The following NR5A2 variants were observed in gnomAD, a reference collection of about 807,000 sequenced individuals.
NR5A2 encodes nuclear receptor subfamily 5 group A member 2.
A neutral mutation model predicts 62.7 loss-of-function variants in NR5A2; 26 were observed. That is an observed-to-expected ratio of 0.41 (90% CI 0.30 to 0.58). The LOEUF (loss-of-function observed/expected upper bound fraction) is 0.58, where lower values mean the gene tolerates loss of function less well. Ranked by LOEUF, NR5A2 falls within the 20% of genes least tolerant of loss-of-function variation. NR5A2 has a pLI of 0.22. For synonymous variants in NR5A2, 246 were observed against 241.7 expected (o/e 1.02, Z -0.16); for missense variants, 541 against 669.1 (o/e 0.81, Z 2.11).
intron 5 of NR5A2, among the ~76,000 whole-genome samples, chr1:200,079,774 C>A (rs1664205457): frequency 6.6e-6 from 1 of 151,938 alleles, no homozygotes; most frequent in Non-Finnish European, 1.5e-5. Flanking sequence ...TTTTTTGCTG[C>A]TATTTTAGTA....
At chr1:200,061,381 C>A (rs756527606) in intron 5 of NR5A2, among the ~76,000 whole-genome samples, 1 of 148,534 alleles carries the variant, frequency 6.7e-6, no homozygotes, top group African/African-American at 2.5e-5. Context: ...AGGGTTCAAG[C>A]GATTCTCCTG....
chr1:200,119,770 G>A lies in NR5A2; in HGVS notation c.1231-1038G>A, dbSNP rs186231241. Among the ~76,000 whole-genome samples, 266 of 152,262 alleles carry A rather than the reference G, an allele frequency of 1.7e-3. 1 individual carries two copies. Among genetic ancestry groups the A allele is most frequent in the African/African-American group, 6.0e-3 (250 of 41,556 alleles). On this transcript the variant is annotated intron_variant, in intron 6 of 7. Transcript: ENST00000367362. ...GCCTCCCCAGTAGCTGGGATTACAGGCACATGCCACCACGCCCAGCCAATT... is the reference window on the plus strand; with the variant it reads ...GCCTCCCCAGTAGCTGGGATTACAGACACATGCCACCACGCCCAGCCAATT...
At chr1:200,083,648 G>A (rs969875290) in intron 5 of NR5A2, among the ~76,000 whole-genome samples, 1 of 152,128 alleles carries the variant, frequency 6.6e-6, no homozygotes, top group African/African-American at 2.4e-5. Flanking sequence ...GTATTGTACA[G>A]TATTGTACAG....
chr1:200,059,824 G>C (rs987292127), intron 5 of NR5A2, among the ~76,000 whole-genome samples: 1 of 152,122 alleles, frequency 6.6e-6, no homozygotes, highest in South Asian at 2.1e-4. Flanking sequence ...AAATCTTTGA[G>C]AGTTCAACAT....
intron 6 of NR5A2, among the ~76,000 whole-genome samples, chr1:200,116,573 G>A (rs550405846): frequency 6.6e-6 from 1 of 152,266 alleles, no homozygotes; most frequent in South Asian, 2.1e-4. Context: ...AGCAGCCCAG[G>A]ACACCAGTAC....
intron 5 of NR5A2, among the ~76,000 whole-genome samples, chr1:200,082,427 G>A (rs186673094): frequency 3.3e-5 from 5 of 152,188 alleles, no homozygotes; most frequent in Admixed American, 3.3e-4. Context: ...TCTGGCCATT[G>A]GTGTCTTTGT....
At chr1:200,034,680 G>A (rs1661688385) in intron 1 of NR5A2, among the ~76,000 whole-genome samples, 1 of 150,354 alleles carries the variant, frequency 6.7e-6, no homozygotes, top group African/African-American at 2.4e-5. Context: ...ACCGCGCCAC[G>A]CCAGATCGAG....
chr1:200,061,736 G>C (rs1215192142), intron 5 of NR5A2, among the ~76,000 whole-genome samples: 1 of 152,128 alleles, frequency 6.6e-6, no homozygotes, highest in Non-Finnish European at 1.5e-5. Context: ...GAGATCTTAA[G>C]GTCCTGGTCT....
intron 5 of NR5A2, among the ~76,000 whole-genome samples, chr1:200,091,488 T>TC (rs1664812643): frequency 6.7e-6 from 1 of 149,230 alleles, no homozygotes; most frequent in Admixed American, 6.7e-5. Context: ...CTCTTTCTTT[T>TC]TTTTTTTTTT....
At position 200,048,416 on chromosome 1, in the gene NR5A2, C is replaced by T. The variant is rs140704739; in HGVS notation, c.708C>T (p.Asp236=). 15 of 1,614,208 alleles carry T rather than the reference C, an allele frequency of 9.3e-6. No individual in the cohort carries two copies. Among genetic ancestry groups the T allele is most frequent in the Middle Eastern group, 1.6e-4 (1 of 6,062 alleles). Reference sequence around the variant, plus strand: ...CTGCCTTGCCTCCTACAGACTATGACAGAAGTCCCTTTGTAACATCCCCCA... The same window carrying T: ...CTGCCTTGCCTCCTACAGACTATGATAGAAGTCCCTTTGTAACATCCCCCA... The part of the protein sequence containing the change: ...NHAALPPTDY[D]RSPFVTSPIS... Residue 236 remains aspartate, a synonymous_variant, in exon 5 of 8, where the codon GAC becomes GAT. Transcript: ENST00000367362. The surrounding 1 kb of genome is among the most constrained non-coding windows in gnomAD (Gnocchi z 4.8).
chr1:200,028,443 AC>A (rs1391448348), intron 1 of NR5A2, among the ~76,000 whole-genome samples: 2 of 150,764 alleles, frequency 1.3e-5, no homozygotes, highest in African/African-American at 2.4e-5. Flanking sequence ...AAAAAAAAAA[AC>A]CAAAAAAACT....
chr1:200,094,524 C>CTTTTTTTTT (rs373809748), intron 5 of NR5A2, among the ~76,000 whole-genome samples: 1 of 59,802 alleles, frequency 1.7e-5, no homozygotes, highest in Non-Finnish European at 2.8e-5. Context: ...TTAAATGCCA[C>CTTTTTTTTT]TTTTTTTTTT....
chr1:200,039,605 G>A lies in NR5A2; in HGVS notation c.65-53G>A, dbSNP rs975286318. ...AGAGGGTTGGGTTAGCAGGCATCCC[G>A]GTCGCCCCTTCCTTCTTTTCGCCGG... On this transcript the variant is annotated intron_variant, in intron 1 of 7. Transcript: ENST00000367362. This position sits in a 1 kb window ranked among gnomAD's most constrained non-coding sequence, Gnocchi z 5.1. 3.7e-6 allele frequency: 6 copies of A among 1,605,680 alleles called. No individual in the cohort carries two copies. The highest frequency in any genetic ancestry group is 4.2e-6 in the Non-Finnish European group (5 of 1,176,536).
At chr1:200,057,031 A>T (rs1662945331) in intron 5 of NR5A2, among the ~76,000 whole-genome samples, 1 of 152,208 alleles carries the variant, frequency 6.6e-6, no homozygotes, top group African/African-American at 2.4e-5. Flanking sequence ...TCTGATGAGG[A>T]TGTACTGAAT....
chr1:200,123,750 A>AGT (rs1666580062), intron 7 of NR5A2, among the ~76,000 whole-genome samples: 1 of 52,802 alleles, frequency 1.9e-5, no homozygotes, highest in African/African-American at 5.7e-5. Flanking sequence ...TACTTATTTA[A>AGT]TTTTTTTTTT....
intron 6 of NR5A2, among the ~76,000 whole-genome samples, chr1:200,113,004 C>T (rs777544670): frequency 5.9e-5 from 9 of 152,062 alleles, no homozygotes; most frequent in Non-Finnish European, 1.0e-4. Context: ...AAGTGCTGCC[C>T]GTGGGTGAGG....
chr1:200,127,696 AAAAAAAAAAAAAAATATAT>A (rs1245136556), intron 7 of NR5A2, among the ~76,000 whole-genome samples: 2 of 93,648 alleles, frequency 2.1e-5, no homozygotes, highest in African/African-American at 3.6e-5. Flanking sequence ...AAAAAAAAAA[AAAAAAAAAAAAAAATATAT>A]ATATATATAT....
chr1:200,063,944 T>C (rs1416352748), intron 5 of NR5A2, among the ~76,000 whole-genome samples: 1 of 151,054 alleles, frequency 6.6e-6, no homozygotes, highest in Admixed American at 6.6e-5. Flanking sequence ...AGTTCAGGAG[T>C]TCAAGACCAG....
rs2102357793 is a variant in NR5A2 at position 200,147,894 on chromosome 1, C to T, written c.1379-26069C>T. The stretch of plus-strand genomic sequence containing the variant: ...AGTCCCCGGAGCGGTGGCCGGCGCG[C>T]GGGGAGAAGCTGCGGGCTGTGATGT... On this transcript the variant is annotated intron_variant, in intron 7 of 7. Transcript: ENST00000367362. The surrounding 1 kb of genome is among the most constrained non-coding windows in gnomAD (Gnocchi z 4.9). The T allele has an allele frequency of 7.6e-6, 3 of 394,896 alleles. No individual in the cohort carries two copies. Among genetic ancestry groups the T allele is most frequent in the East Asian group, 1.2e-4 (2 of 17,074 alleles). The allele number at this position is 394,896 out of a possible 1,614,324, so 24.5% of individuals were successfully genotyped here. A position where few individuals can be genotyped will look rare whatever the true frequency, so the allele number is the denominator to read the frequency against.
Sources: allele counts gnomAD v4.1 joint callset (sites outside exome capture counted in the v4.1 genomes callset), GRCh38; gene constraint gnomAD v4.1.1; non-coding constraint Gnocchi (gnomAD v3.1); transcripts MANE v1.5; gene names NCBI Gene and HGNC (gene_info 2026-07-23, HGNC 2026-07-21).